Variants in DAB2IP observed in about 807,000 individuals in gnomAD.
DAB2IP encodes the protein DAB2 interacting protein.
In DAB2IP, 28 loss-of-function variants were observed where a neutral mutation model predicts 107.2. The observed-to-expected ratio is 0.26, with a 90% confidence interval of 0.19 to 0.36. The LOEUF (loss-of-function observed/expected upper bound fraction) is 0.36. DAB2IP is among the 10% of genes least tolerant of loss of function. The pLI is 1.00. For synonymous variants in DAB2IP, 755 were observed against 706.4 expected (o/e 1.07, Z -1.09); for missense variants, 1,400 against 1,644.7 (o/e 0.85, Z 2.57).
chr9:121,650,381 G>A (rs754539706), upstream of DAB2IP, among the ~76,000 whole-genome samples: 12 of 152,194 alleles, frequency 7.9e-5, no homozygotes, highest in Middle Eastern at 3.2e-3. Flanking sequence ...CGCTAGGGAG[G>A]GGGCTTCCCC....
intron 1 of DAB2IP, among the ~76,000 whole-genome samples, chr9:121,639,829 C>A (rs962944228): frequency 6.6e-6 from 1 of 152,244 alleles, no homozygotes; most frequent in South Asian, 2.1e-4. Context: ...AGGCTCAGTG[C>A]GGCCCACGGA....
chr9:121,779,674 C>T (rs1267689453), intron 14 of DAB2IP, among the ~76,000 whole-genome samples: 1 of 152,214 alleles, frequency 6.6e-6, no homozygotes, highest in Non-Finnish European at 1.5e-5. Context: ...AGTGTTGGTG[C>T]GTCACTGCAC....
chr9:121,718,073 C>T (rs546989927), intron 3 of DAB2IP, among the ~76,000 whole-genome samples: 6 of 152,298 alleles, frequency 3.9e-5, no homozygotes, highest in Admixed American at 3.3e-4. Context: ...TGGGGAGGCC[C>T]TGGATGGACA....
In DAB2IP at chr9:121,776,064, T is replaced by C; in HGVS notation, c.3121-134T>C. ...GGGCTCCTTGGGCATCTCCTTGCTA[T>C]GTGAAGTGGGCGGGTCACAGCCACT... On this transcript the variant is annotated intron_variant, in intron 13 of 15. Transcript: ENST00000408936. The surrounding 1 kb of genome is among the most constrained non-coding windows in gnomAD (Gnocchi z 5.4). The C allele has an allele frequency of 1.9e-6, 2 of 1,031,622 alleles. No homozygotes were observed. Among genetic ancestry groups the C allele is most frequent in the Non-Finnish European group, 2.8e-6 (2 of 723,170 alleles). 63.9% of individuals were successfully genotyped at this position (1,031,622 alleles called of 1,614,324 possible). A position where few individuals can be genotyped will look rare whatever the true frequency, so the allele number is the denominator to read the frequency against.
intron 1 of DAB2IP, among the ~76,000 whole-genome samples, chr9:121,630,735 G>A (rs925088420): frequency 2.0e-5 from 3 of 151,762 alleles, no homozygotes; most frequent in Non-Finnish European, 4.4e-5. Flanking sequence ...AGCCTCCCGA[G>A]TCGCTGGGAT....
rs963540385 is a variant in DAB2IP, at chr9:121,736,842, C to T, written c.363-20171C>T. ...GGTGTGCTGGGCTTACCGGGGCGTG[C>T]AGGTCCCTGTTCTCGTGGACCGGAC... On this transcript the variant is annotated intron_variant, in intron 3 of 15. Coordinates refer to ENST00000408936, the Ensembl canonical transcript of DAB2IP. This position sits in a 1 kb window ranked among gnomAD's most constrained non-coding sequence, Gnocchi z 4.6. 6.6e-6 allele frequency among the ~76,000 whole-genome samples: 1 copy of T among 152,242 alleles called. No individual in the cohort carries two copies. Among genetic ancestry groups the T allele is most frequent in the African/African-American group, 2.4e-5 (1 of 41,464 alleles).
intron 2 of DAB2IP, among the ~76,000 whole-genome samples, chr9:121,680,618 CA>C (rs1453430587): frequency 6.6e-6 from 1 of 152,144 alleles, no homozygotes; most frequent in Non-Finnish European, 1.5e-5. Flanking sequence ...GGTGGGCCTT[CA>C]GGGGGACCCT....
At chr9:121,660,519 A>G (rs368401592) in intron 1 of DAB2IP, among the ~76,000 whole-genome samples, 1 of 152,102 alleles carries the variant, frequency 6.6e-6, no homozygotes, top group African/African-American at 2.4e-5. Context: ...CAGGTGCAGG[A>G]TGGGGGAAGG....
chr9:121,606,877 C>G (rs1383996347), intron 1 of DAB2IP, among the ~76,000 whole-genome samples: 1 of 151,800 alleles, frequency 6.6e-6, no homozygotes, highest in Non-Finnish European at 1.5e-5. Flanking sequence ...TGGGTTCATG[C>G]AGTTCTCCTG....
intron 4 of DAB2IP, 99 bp downstream of exon 4, chr9:121,757,265 C>A (rs1833564248): frequency 4.8e-6 from 7 of 1,459,236 alleles, no homozygotes; most frequent in Non-Finnish European, 6.4e-6. Context: ...GCTGTGGCCT[C>A]AGCAGGGGCC....
intron 1 of DAB2IP, among the ~76,000 whole-genome samples, chr9:121,606,463 C>T (rs1171704107): frequency 1.3e-5 from 2 of 152,154 alleles, no homozygotes; most frequent in Non-Finnish European, 2.9e-5. Flanking sequence ...CTCCCAGTCC[C>T]CCTGTGACTT....
intron 1 of DAB2IP, among the ~76,000 whole-genome samples, chr9:121,605,071 G>A (rs1407796999): frequency 1.3e-5 from 2 of 152,244 alleles, no homozygotes; most frequent in Non-Finnish European, 2.9e-5. Context: ...CCAGGCTGGA[G>A]TGCAGTGGCG....
intron 8 of DAB2IP, 74 bp from the exon 9 acceptor site, chr9:121,766,420 G>C: frequency 7.1e-7 from 1 of 1,411,682 alleles, no homozygotes; most frequent in Non-Finnish European, 9.8e-7. Flanking sequence ...TTGGAATGCA[G>C]GTTCCTGCTC....
At chr9:121,577,929 C>T (rs997574771) in intron 1 of DAB2IP, among the ~76,000 whole-genome samples, 3 of 152,110 alleles carry the variant, frequency 2.0e-5, no homozygotes, top group Admixed American at 6.5e-5. Flanking sequence ...GGGGCTGTCC[C>T]GGGTCAGGAT....
intron 4 of DAB2IP, 99 bp downstream of exon 4, chr9:121,757,265 C>T: frequency 1.4e-6 from 2 of 1,459,236 alleles, no homozygotes; most frequent in Non-Finnish European, 1.8e-6. Flanking sequence ...GCTGTGGCCT[C>T]AGCAGGGGCC....
intron 6 of DAB2IP, among the ~76,000 whole-genome samples, chr9:121,761,318 G>T (rs1212862695): frequency 6.6e-6 from 1 of 152,250 alleles, no homozygotes; most frequent in East Asian, 1.9e-4. Context: ...CTGCAGCGTG[G>T]ATGGACCCTG....
intron 3 of DAB2IP, among the ~76,000 whole-genome samples, chr9:121,715,823 G>A (rs1248069756): frequency 2.0e-5 from 3 of 152,228 alleles, no homozygotes; most frequent in South Asian, 4.1e-4. Context: ...GTCTGCAGAG[G>A]TGGGTGGAGG....
At chr9:121,623,037 A>G (rs1831526825) in intron 1 of DAB2IP, among the ~76,000 whole-genome samples, 1 of 152,216 alleles carries the variant, frequency 6.6e-6, no homozygotes, top group Non-Finnish European at 1.5e-5. Flanking sequence ...CTATCTGCCG[A>G]GTCTGAGCCT....
In DAB2IP at chr9:121,616,643, C is replaced by T. The variant is rs571787196; in HGVS notation, c.40+49415C>T. On this transcript the variant is annotated intron_variant, in intron 1 of 16. Transcript: ENST00000259371. Reference sequence around the variant, plus strand: ...AGCGCTCCTGACTGTGGAACTGGGGCGGGTTTGCTGAAGGGAAGTAAGGAG... The same window carrying T: ...AGCGCTCCTGACTGTGGAACTGGGGTGGGTTTGCTGAAGGGAAGTAAGGAG... Among the ~76,000 whole-genome samples, 70 of 152,260 alleles carry T rather than the reference C, an allele frequency of 4.6e-4. 1 individual carries two copies. Among genetic ancestry groups the T allele is most frequent in the African/African-American group, 1.6e-3 (65 of 41,544 alleles).
Sources: gnomAD v4.1 joint callset for allele counts (sites outside exome capture counted in the v4.1 genomes callset) on GRCh38, gnomAD v4.1.1 for gene constraint, Gnocchi (gnomAD v3.1) non-coding constraint, MANE v1.5 for transcripts, NCBI Gene and HGNC (gene_info 2026-07-23, HGNC 2026-07-21) for gene names.